BTD: variants seen among roughly 807,000 people sequenced by gnomAD.
BTD encodes the protein biotinidase.
BTD carries 13 observed loss-of-function variants against 17.7 expected under a neutral mutation model. That is an observed-to-expected ratio of 0.74 (90% CI 0.48 to 1.17). The LOEUF (loss-of-function observed/expected upper bound fraction) is 1.17, where lower values mean the gene tolerates loss of function less well. Among genes scored for constraint, BTD ranks in the 50% most tolerant of loss-of-function variants. The pLI is 0.00. For synonymous variants in BTD, 240 were observed against 245.2 expected, an observed-to-expected ratio of 0.98 and a Z score of 0.20; for missense variants, 674 against 650.4, an observed-to-expected ratio of 1.04 and a Z score of -0.39.
chr3:15,691,557 T>C (rs886498686), intron 3 of BTD, among the ~76,000 whole-genome samples: 3 of 152,182 alleles, frequency 2.0e-5, no homozygotes, highest in Admixed American at 6.5e-5. Flanking sequence ...TAAATAAACT[T>C]CAAAGGACTA....
intron 3 of BTD, among the ~76,000 whole-genome samples, chr3:15,700,306 G>A (rs2070373446): frequency 6.6e-6 from 1 of 152,086 alleles, no homozygotes; most frequent in African/African-American, 2.4e-5. Context: ...CGGGGTGGGG[G>A]CCTGGGGGAG....
intron 1 of BTD, among the ~76,000 whole-genome samples, chr3:15,618,396 T>G (rs1159889983): frequency 6.6e-6 from 1 of 152,254 alleles, no homozygotes; most frequent in East Asian, 1.9e-4. Flanking sequence ...CTGCATTTAT[T>G]TAGTGCTGCT....
chr3:15,604,876 A>G (rs1175715543), intron 1 of BTD, among the ~76,000 whole-genome samples: 2 of 152,184 alleles, frequency 1.3e-5, no homozygotes, highest in Non-Finnish European at 2.9e-5. Flanking sequence ...TATTGTCCAT[A>G]TCACTATCAG....
chr3:15,613,278 C>T (rs1340728817), intron 1 of BTD, among the ~76,000 whole-genome samples: 3 of 152,146 alleles, frequency 2.0e-5, no homozygotes, highest in East Asian at 1.9e-4. Context: ...TGATGGATCT[C>T]GTTCACTGTT....
At chr3:15,674,898 G>A (rs754956038) in intron 3 of BTD, among the ~76,000 whole-genome samples, 6 of 152,184 alleles carry the variant, frequency 3.9e-5, no homozygotes, top group Non-Finnish European at 7.3e-5. Flanking sequence ...AGAAGTCATT[G>A]GTGGTTTTGA....
intron 1 of BTD, among the ~76,000 whole-genome samples, chr3:15,634,493 A>G (rs1361700486): frequency 6.6e-6 from 1 of 152,228 alleles, no homozygotes; most frequent in African/African-American, 2.4e-5. Flanking sequence ...AGTAATGCAC[A>G]CTGTTTAGAA....
chr3:15,602,326 GT>G, intron 1 of BTD: 1 of 1,070,128 alleles, frequency 9.3e-7, no homozygotes, highest in Admixed American at 4.7e-5. Context: ...ATAGAGCACT[GT>G]TTTCTCCAGC....
chr3:15,707,795 T>C, intron 3 of BTD: 7 of 1,143,520 alleles, frequency 6.1e-6, no homozygotes, highest in South Asian at 3.3e-5. Flanking sequence ...TTTCCCAAAA[T>C]AGACTTAGGG....
At chr3:15,690,742 A>C (rs2068679391) in intron 3 of BTD, among the ~76,000 whole-genome samples, 1 of 151,680 alleles carries the variant, frequency 6.6e-6, no homozygotes, top group Non-Finnish European at 1.5e-5. Flanking sequence ...TTTTTCTTTT[A>C]ATTTTTGTAG....
At chr3:15,623,880 T>G (rs1474664254) in intron 1 of BTD, among the ~76,000 whole-genome samples, 3 of 152,256 alleles carry the variant, frequency 2.0e-5, no homozygotes, top group Non-Finnish European at 4.4e-5. Context: ...GCCATGCTTC[T>G]TGTACAGCCT....
chr3:15,699,529 C>A (rs1310289240), intron 3 of BTD, among the ~76,000 whole-genome samples: 2 of 151,886 alleles, frequency 1.3e-5, no homozygotes, highest in East Asian at 3.9e-4. Context: ...CTACAAAGAA[C>A]TTAAATTCAC....
At chr3:15,686,531 C>A (rs563012870) in intron 3 of BTD, 130 of 551,888 alleles carry the variant, frequency 2.4e-4, no homozygotes, top group African/African-American at 2.3e-3. Context: ...GGCAGACCGC[C>A]TACCCAGCAC....
At position 15,686,741 on chromosome 3, in the gene BTD, G is replaced by A. The variant is rs80014112; in HGVS notation, c.400-23319G>A. 3.1e-4 allele frequency among the ~76,000 whole-genome samples: 47 copies of A among 152,270 alleles called. 1 individual carries two copies. In the East Asian group the frequency reaches 4.4e-3, roughly 14 times the overall value. ...AACCAGGTCTGACTACTGAGATGCCGATAAGTCTAGAGGCTGCTGGGAAAT... is the reference window on the plus strand; with the variant it reads ...AACCAGGTCTGACTACTGAGATGCCAATAAGTCTAGAGGCTGCTGGGAAAT... On this transcript the variant is annotated intron_variant, in intron 3 of 3. Coordinates refer to the BTD transcript ENST00000672141.
intron 1 of BTD, among the ~76,000 whole-genome samples, chr3:15,620,814 G>A (rs1287283287): frequency 6.6e-6 from 1 of 152,246 alleles, no homozygotes; most frequent in Non-Finnish European, 1.5e-5. Context: ...GGGAGACAGT[G>A]CCAATGGGAT....
rs200704600 is a variant in BTD at position 15,645,246 on chromosome 3, G to T, written c.1330G>T (p.Gly444Trp). 6.2e-7 allele frequency: 1 copy of T among 1,614,180 alleles called. No homozygotes were observed. Among genetic ancestry groups the T allele is most frequent in the East Asian group, 2.2e-5 (1 of 44,892 alleles). Reference sequence around the variant, plus strand: ...CCAAGTGTGTGCCCTGGTCAGGTGTGGGGGTCTTGGCTTCGACACCTGTGG... The same window carrying T: ...CCAAGTGTGTGCCCTGGTCAGGTGTTGGGGTCTTGGCTTCGACACCTGTGG... ...YIQVCALVRC[G>W]GLGFDTCGQE... Residue 444 changes from glycine (G) to tryptophan (W), a missense_variant, in exon 4 of 4, where the codon GGG becomes TGG. By Grantham distance (184) the Gly-to-Trp change is radical. Coordinates refer to ENST00000643237, the MANE Select transcript of BTD (RefSeq NM_001370658.1).
rs999882731 is a variant in BTD, at chr3:15,601,833, C to A, written c.-78C>A. 3.7e-6 allele frequency: 6 copies of A among 1,614,034 alleles called. No individual in the cohort carries two copies. The African/African-American group carries it at 5.3e-5, about 14-fold the overall frequency. On this transcript the variant is annotated 5_prime_UTR_variant, in exon 1 of 4. Transcript: ENST00000643237. ...CCGAGTCGGCCAGCTGGAGCGTTTT[C>A]GGGGCTGTAAAGGGAGAATGGCGCA...
At chr3:15,606,537 C>G (rs2064459748) in intron 1 of BTD, 1 of 152,216 alleles carries the variant, frequency 6.6e-6, no homozygotes, top group South Asian at 2.1e-4. Context: ...GACAGAACCA[C>G]TCAGTATGAA....
exon 4 of BTD, chr3:15,712,092 T>C: frequency 7.0e-7 from 1 of 1,434,114 alleles, no homozygotes; most frequent in Non-Finnish European, 9.6e-7. Context: ...TCTAAAAATT[T>C]TGAGGGGTTT....
rs1332901562 is a variant in BTD, at chr3:15,645,623, G to A, written c.*135G>A. The A allele has an allele frequency of 5.0e-6, 5 of 993,496 alleles. No individual in the cohort carries two copies. The highest frequency in any genetic ancestry group is 7.3e-6 in the Non-Finnish European group (5 of 684,034). The allele number at this position is 993,496 out of a possible 1,614,324, so 61.5% of individuals were successfully genotyped here. The stretch of plus-strand genomic sequence containing the variant: ...CTTCTGTGGCACCAGATTCCACCCT[G>A]GGAACTGTGGAAAAAGTAGGAGAGG... On this transcript the variant is annotated 3_prime_UTR_variant, in exon 4 of 4. Coordinates refer to ENST00000643237, the MANE Select transcript of BTD (RefSeq NM_001370658.1).
Sources: gnomAD v4.1 joint callset for allele counts (sites outside exome capture counted in the v4.1 genomes callset) on GRCh38, gnomAD v4.1.1 for gene constraint, MANE v1.5 for transcripts, NCBI Gene and HGNC (gene_info 2026-07-23, HGNC 2026-07-21) for gene names.